The following ARB2A variants were observed in gnomAD, a reference collection of about 807,000 sequenced individuals.
ARB2A encodes ARB2 cotranscriptional regulator A.
At chr5:93,853,265 T>C in the ARB2A span, among the ~76,000 whole-genome samples, 1 of 152,176 alleles carries the variant, frequency 6.6e-6, no homozygotes, top group Non-Finnish European at 1.5e-5. Flanking sequence ...GTTTGTCTGT[T>C]ATTGGTGTAT....
chr5:94,004,312 T>C, the ARB2A span, among the ~76,000 whole-genome samples: 1 of 152,296 alleles, frequency 6.6e-6, no homozygotes, highest in African/African-American at 2.4e-5. Flanking sequence ...AACTGATACA[T>C]TAGACTGCAT....
At chr5:93,691,448 C>T in the ARB2A span, among the ~76,000 whole-genome samples, 106 of 151,514 alleles carry the variant, frequency 7.0e-4, no homozygotes, top group African/African-American at 2.3e-3. Flanking sequence ...ATCAACTTAA[C>T]GAAATAAAGC....
chr5:93,949,378 C>T, the ARB2A span, among the ~76,000 whole-genome samples: 6,242 of 151,690 alleles, frequency 0.041, 409 homozygotes, highest in African/African-American at 0.14. Context: ...CTGGCCAACA[C>T]GGTGAAACCC....
the ARB2A span, among the ~76,000 whole-genome samples, chr5:93,815,455 T>A: frequency 6.6e-6 from 1 of 152,150 alleles, no homozygotes; most frequent in East Asian, 1.9e-4. Context: ...ATAACCAGGG[T>A]ACCAAAGACC....
chr5:93,635,492 C>T, the ARB2A span, among the ~76,000 whole-genome samples: 5 of 133,100 alleles, frequency 3.8e-5, no homozygotes, highest in African/African-American at 1.4e-4. Flanking sequence ...GATGGAGTCT[C>T]GCTCTGTTAC....
chr5:93,625,174 G>A, the ARB2A span, among the ~76,000 whole-genome samples: 1 of 152,070 alleles, frequency 6.6e-6, no homozygotes, highest in Admixed American at 6.6e-5. Context: ...GTTTGCCTGA[G>A]CACTTTAAAT....
At chr5:93,976,373 A>G in the ARB2A span, among the ~76,000 whole-genome samples, 1 of 152,204 alleles carries the variant, frequency 6.6e-6, no homozygotes, top group African/African-American at 2.4e-5. Context: ...CATCACTCCT[A>G]TTCAAGATAG....
the ARB2A span, among the ~76,000 whole-genome samples, chr5:93,868,889 C>T: frequency 6.6e-6 from 1 of 152,124 alleles, no homozygotes; most frequent in African/African-American, 2.4e-5. Context: ...TTTCTTTAAT[C>T]GCATTTCGAC....
chr5:93,866,191 AAGAAT>A, the ARB2A span: 1 of 985,308 alleles, frequency 1.0e-6, no homozygotes, highest in African/African-American at 1.7e-5. Flanking sequence ...CAGTCTGTAC[AAGAAT>A]TTCTGAGGGA....
the ARB2A span, among the ~76,000 whole-genome samples, chr5:93,694,729 A>C: frequency 6.6e-6 from 1 of 152,358 alleles, no homozygotes; most frequent in East Asian, 1.9e-4. Flanking sequence ...TCACATAGCC[A>C]AGACAATCCT....
At chr5:93,989,311 T>C in the ARB2A span, among the ~76,000 whole-genome samples, 2 of 152,168 alleles carry the variant, frequency 1.3e-5, no homozygotes, top group African/African-American at 2.4e-5. Flanking sequence ...TCATTTTAAA[T>C]ATAACTATAA....
At chr5:93,988,597 T>C in the ARB2A span, among the ~76,000 whole-genome samples, 1 of 152,218 alleles carries the variant, frequency 6.6e-6, no homozygotes, top group African/African-American at 2.4e-5. Flanking sequence ...CCAAGCTCTG[T>C]TTTTGACACC....
At chr5:93,771,403 T>A in the ARB2A span, among the ~76,000 whole-genome samples, 1 of 151,316 alleles carries the variant, frequency 6.6e-6, no homozygotes, top group African/African-American at 2.4e-5. Flanking sequence ...GGGCAAGGAC[T>A]TCATGTCTAA....
the ARB2A span, among the ~76,000 whole-genome samples, chr5:93,798,001 A>G: frequency 6.6e-6 from 1 of 152,066 alleles, no homozygotes; most frequent in Non-Finnish European, 1.5e-5. Context: ...CAAAAGAAGA[A>G]ATCTAGATTG....
chr5:93,974,583 CACTT>C, the ARB2A span, among the ~76,000 whole-genome samples: 2 of 152,056 alleles, frequency 1.3e-5, no homozygotes, highest in African/African-American at 4.8e-5. Context: ...TTAAATTTGA[CACTT>C]AATTAATTGA....
chr5:93,762,658 C>G, the ARB2A span, among the ~76,000 whole-genome samples: 2 of 152,192 alleles, frequency 1.3e-5, no homozygotes, highest in African/African-American at 4.8e-5. Flanking sequence ...ATTCCCCAAT[C>G]TAGCAAGGCA....
the ARB2A span, among the ~76,000 whole-genome samples, chr5:93,706,073 TCAAA>T: frequency 1.8e-4 from 28 of 152,100 alleles, no homozygotes; most frequent in African/African-American, 6.0e-4. Flanking sequence ...AAACAGATGT[TCAAA>T]CAAACACTTA....
chr5:94,097,466 T>C, the ARB2A span, among the ~76,000 whole-genome samples: 41 of 152,196 alleles, frequency 2.7e-4, 1 homozygote, highest in East Asian at 3.9e-4. Context: ...TGGGAGGTAA[T>C]TGAATCATGG....
chr5:94,108,191 G>A, the ARB2A span, among the ~76,000 whole-genome samples: 26 of 151,816 alleles, frequency 1.7e-4, no homozygotes, highest in Middle Eastern at 3.4e-3. Context: ...TCTGGTCCCC[G>A]CTCTTCTCAG....
Sources: gnomAD v4.1 joint callset for allele counts (sites outside exome capture counted in the v4.1 genomes callset) on GRCh38, gnomAD v4.1.1 for gene constraint, MANE v1.5 for transcripts, NCBI Gene and HGNC (gene_info 2026-07-23, HGNC 2026-07-21) for gene names.